Variants in CNTNAP2 observed in about 807,000 individuals in gnomAD.
CNTNAP2 encodes contactin associated protein 2.
A neutral mutation model predicts 155.2 loss-of-function variants in CNTNAP2; 98 were observed. That is an observed-to-expected ratio of 0.63 (90% confidence interval 0.54 to 0.75). The LOEUF is 0.75. Among genes scored for constraint, CNTNAP2 ranks in the 30% least tolerant of loss-of-function variants. The pLI is 0.00. For missense variants in CNTNAP2, 1,727 were observed against 1,688.1 expected (o/e 1.02, Z -0.40); for synonymous variants, 651 against 631.2 (o/e 1.03, Z -0.47).
intron 21 of CNTNAP2, 72 bp from the exon 22 acceptor site, chr7:148,383,573 GCATT>G: frequency 6.2e-7 from 1 of 1,601,140 alleles, no homozygotes; most frequent in Non-Finnish European, 8.6e-7. Context: ...TTGGACACAA[GCATT>G]CAAAGACAGG....
intron 20 of CNTNAP2, among the ~76,000 whole-genome samples, chr7:148,237,129 G>A (rs74673303): frequency 6.6e-6 from 1 of 152,312 alleles, no homozygotes; most frequent in African/African-American, 2.4e-5. Flanking sequence ...AATGCTACAT[G>A]TGTTAGGTTT....
At chr7:146,622,635 T>A (rs2129156795) in intron 1 of CNTNAP2, among the ~76,000 whole-genome samples, 1 of 152,258 alleles carries the variant, frequency 6.6e-6, no homozygotes, top group Admixed American at 6.5e-5. Context: ...CCCTTGCTAT[T>A]TGTAACTTCC....
chr7:147,023,655 A>T (rs896710719), intron 3 of CNTNAP2, among the ~76,000 whole-genome samples: 2 of 152,046 alleles, frequency 1.3e-5, no homozygotes, highest in Admixed American at 6.6e-5. Flanking sequence ...TCATCACTAA[A>T]TCTGTTCTGC....
chr7:148,012,436 T>C (rs748593373), intron 15 of CNTNAP2, among the ~76,000 whole-genome samples: 7 of 152,212 alleles, frequency 4.6e-5, no homozygotes, highest in African/African-American at 7.2e-5. Context: ...GTCCAACCAC[T>C]GTGAAATTTC....
intron 1 of CNTNAP2, among the ~76,000 whole-genome samples, chr7:146,252,752 G>A (rs1799775360): frequency 6.6e-6 from 1 of 152,094 alleles, no homozygotes; most frequent in Non-Finnish European, 1.5e-5. Context: ...GAAAAAGAAG[G>A]AAAAGAAAGA....
chr7:147,687,526 T>C (rs1315017469), intron 13 of CNTNAP2, among the ~76,000 whole-genome samples: 2 of 152,082 alleles, frequency 1.3e-5, no homozygotes, highest in Non-Finnish European at 2.9e-5. Context: ...GAAATAGATG[T>C]CAGTAGTAGA....
intron 17 of CNTNAP2, among the ~76,000 whole-genome samples, chr7:148,165,969 C>T (rs1212446802): frequency 6.6e-6 from 1 of 152,116 alleles, no homozygotes; most frequent in African/African-American, 2.4e-5. Context: ...ACAGGCCTCC[C>T]CTACTTGCAG....
intron 3 of CNTNAP2, among the ~76,000 whole-genome samples, chr7:146,922,659 A>C (rs1402878927): frequency 6.6e-6 from 1 of 152,202 alleles, no homozygotes; most frequent in African/African-American, 2.4e-5. Context: ...TTCATATGCC[A>C]CATATTAGCT....
intron 18 of CNTNAP2, among the ~76,000 whole-genome samples, chr7:148,207,763 A>T (rs1160945044): frequency 2.6e-5 from 4 of 152,168 alleles, no homozygotes; most frequent in Non-Finnish European, 2.9e-5. Flanking sequence ...AAGTCTGTGA[A>T]GGACAGATTA....
At chr7:146,201,557 T>TA (rs2116867792) in intron 1 of CNTNAP2, among the ~76,000 whole-genome samples, 1 of 152,016 alleles carries the variant, frequency 6.6e-6, no homozygotes, top group East Asian at 1.9e-4. Flanking sequence ...TGGAAAATGA[T>TA]AATGCAAAAG....
intron 13 of CNTNAP2, among the ~76,000 whole-genome samples, chr7:147,644,739 A>G (rs1453675693): frequency 2.0e-5 from 3 of 152,158 alleles, no homozygotes; most frequent in Non-Finnish European, 4.4e-5. Context: ...TAGATAACCA[A>G]AATGTTTCTC....
chr7:146,943,569 T>C (rs114723772), intron 3 of CNTNAP2, among the ~76,000 whole-genome samples: 2,797 of 152,310 alleles, frequency 0.018, 70 homozygotes, highest in African/African-American at 0.062. Context: ...ATCAATACTC[T>C]AAGTTACATC....
chr7:147,796,513 C>T (rs1342537542), intron 13 of CNTNAP2, among the ~76,000 whole-genome samples: 3 of 151,458 alleles, frequency 2.0e-5, no homozygotes, highest in African/African-American at 4.9e-5. Context: ...TAAGCACTTA[C>T]CAACAGAGCA....
intron 14 of CNTNAP2, among the ~76,000 whole-genome samples, chr7:147,905,767 G>A (rs554291618): frequency 3.9e-5 from 6 of 152,172 alleles, no homozygotes; most frequent in South Asian, 2.1e-4. Flanking sequence ...GCCTGTAATT[G>A]CAGATACTCG....
At chr7:148,152,577 T>G (rs1485531785) in intron 17 of CNTNAP2, among the ~76,000 whole-genome samples, 1 of 152,118 alleles carries the variant, frequency 6.6e-6, no homozygotes, top group Non-Finnish European at 1.5e-5. Flanking sequence ...CATTAAGGGA[T>G]TCTAGAAACT....
intron 13 of CNTNAP2, among the ~76,000 whole-genome samples, chr7:147,664,236 T>C (rs752661176): frequency 6.6e-6 from 1 of 152,230 alleles, no homozygotes; most frequent in Non-Finnish European, 1.5e-5. Flanking sequence ...TCAAGACGGA[T>C]GGATTAAATT....
At chr7:146,123,657 C>A (rs1287667930) in intron 1 of CNTNAP2, among the ~76,000 whole-genome samples, 1 of 151,824 alleles carries the variant, frequency 6.6e-6, no homozygotes, top group Non-Finnish European at 1.5e-5. Context: ...ATAATGTCAT[C>A]TATGCTGTTC....
intron 13 of CNTNAP2, among the ~76,000 whole-genome samples, chr7:147,802,604 T>C (rs1040677129): frequency 6.6e-6 from 1 of 151,932 alleles, no homozygotes; most frequent in African/African-American, 2.4e-5. Context: ...CGAAACCCCG[T>C]CTCCACCAAA....
intron 8 of CNTNAP2, among the ~76,000 whole-genome samples, chr7:147,288,833 G>A (rs1332374283): frequency 1.3e-5 from 2 of 152,110 alleles, no homozygotes; most frequent in East Asian, 3.9e-4. Flanking sequence ...ACTCTATAAT[G>A]TCTTTGTCTT....
Sources: allele counts gnomAD v4.1 joint callset (sites outside exome capture counted in the v4.1 genomes callset), GRCh38; gene constraint gnomAD v4.1.1; transcripts MANE v1.5; gene names NCBI Gene and HGNC (gene_info 2026-07-23, HGNC 2026-07-21).